Variants in GPHN observed in about 807,000 individuals in gnomAD.
The protein encoded by GPHN is gephyrin.
Under a neutral mutation model 95.5 loss-of-function variants are expected in GPHN, and 17 were observed. The ratio of observed to expected loss-of-function variants is 0.18; its 90% confidence interval spans 0.12 to 0.27. The LOEUF (loss-of-function observed/expected upper bound fraction) is 0.27, where lower values mean the gene tolerates loss of function less well. Among genes scored for constraint, GPHN ranks in the 10% least tolerant of loss-of-function variants. The pLI is 1.00. For synonymous variants in GPHN, 320 were observed against 322.5 expected, an observed-to-expected ratio of 0.99 and a Z score of 0.08; for missense variants, 660 against 978.1, an observed-to-expected ratio of 0.67 and a Z score of 4.34.
chr14:67,632,808 A>ATT, the GPHN span, among the ~76,000 whole-genome samples: 3,698 of 62,442 alleles, frequency 0.059, 645 homozygotes, highest in African/African-American at 0.094. Flanking sequence ...AAGCCTCTTA[A>ATT]TTTTTTTTTT....
intron 5 of GPHN, among the ~76,000 whole-genome samples, chr14:66,889,176 A>C (rs1296143887): frequency 6.6e-6 from 1 of 152,114 alleles, no homozygotes; most frequent in Non-Finnish European, 1.5e-5. Context: ...CACATTCAAT[A>C]ATGGATAGAA....
intron 17 of GPHN, among the ~76,000 whole-genome samples, chr14:67,139,236 G>A (rs908090942): frequency 6.6e-6 from 1 of 151,566 alleles, no homozygotes; most frequent in African/African-American, 2.4e-5. Context: ...AAAAAAAAGA[G>A]AGAGAGAGAC....
At chr14:66,720,441 C>T (rs2070631675) in intron 2 of GPHN, among the ~76,000 whole-genome samples, 1 of 152,098 alleles carries the variant, frequency 6.6e-6, no homozygotes, top group Non-Finnish European at 1.5e-5. Flanking sequence ...AAAATTTCAG[C>T]TACTTGGGAG....
chr14:67,108,905 AAT>A (rs1567343171), intron 13 of GPHN, among the ~76,000 whole-genome samples: 1 of 152,124 alleles, frequency 6.6e-6, no homozygotes, highest in Non-Finnish European at 1.5e-5. Context: ...TAAGATTTTA[AAT>A]AGAGTCATGA....
the GPHN span, among the ~76,000 whole-genome samples, chr14:67,291,148 G>A: frequency 3.3e-5 from 5 of 151,700 alleles, no homozygotes; most frequent in African/African-American, 1.2e-4. Context: ...ATTGGAAAAC[G>A]ATTCCCAACA....
Position 67,100,867 on chromosome 14 carries a change from C to T in GPHN, c.1249C>T (p.Pro417Ser). 2 of 1,606,240 alleles carry T rather than the reference C, an allele frequency of 1.2e-6. No homozygotes were observed. The highest frequency in any genetic ancestry group is 1.7e-6 in the Non-Finnish European group (2 of 1,172,896). The change falls in exon 13 of 23, where the codon CCA becomes TCA. Residue 417 changes from proline (P) to serine (S), a missense_variant. Pro to Ser is a moderately conservative substitution (Grantham distance 74, BLOSUM62 -1). This residue lies in a region of GPHN where 257 missense variants were observed against 376.2 expected (regional missense o/e 0.68). Coordinates refer to ENST00000478722, the MANE Select transcript of GPHN (RefSeq NM_020806.5). ...DGYAVRAADGPGDRFIIGESQ... is the reference protein window; with the variant it reads ...DGYAVRAADGSGDRFIIGESQ... Reference sequence around the variant, plus strand: ...GTTCCATCTCACAGCTGCTGATGGCCCAGGAGATCGTTTCATCATTGGGGA... The same window carrying T: ...GTTCCATCTCACAGCTGCTGATGGCTCAGGAGATCGTTTCATCATTGGGGA...
At chr14:67,018,363 AT>A (rs927620869) in intron 9 of GPHN, among the ~76,000 whole-genome samples, 300 of 151,210 alleles carry the variant, frequency 2.0e-3, no homozygotes, top group African/African-American at 6.7e-3. Context: ...GAACTTGGGA[AT>A]TTTTTTTTAA....
chr14:67,360,363 G>A, the GPHN span: 4 of 397,136 alleles, frequency 1.0e-5, no homozygotes, highest in East Asian at 1.1e-4. Flanking sequence ...ACGCTGAGGA[G>A]GATCGGCGGC....
the GPHN span, among the ~76,000 whole-genome samples, chr14:67,245,558 C>T: frequency 3.6e-4 from 54 of 151,820 alleles, no homozygotes; most frequent in African/African-American, 1.2e-3. Context: ...ACTATGTTTC[C>T]CAGGCTGGTC....
the GPHN span, among the ~76,000 whole-genome samples, chr14:67,519,716 T>C: frequency 3.2e-5 from 2 of 62,946 alleles, no homozygotes; most frequent in South Asian, 9.9e-4. Flanking sequence ...GTAAGTTTGT[T>C]TTTTTTTTTT....
intron 21 of GPHN, among the ~76,000 whole-genome samples, chr14:67,175,239 T>G (rs2140139764): frequency 6.6e-6 from 1 of 152,350 alleles, no homozygotes; most frequent in Middle Eastern, 3.4e-3. Flanking sequence ...TAATCCATCT[T>G]GAATTAATTT....
chr14:66,887,832 A>G (rs2064277910), intron 5 of GPHN, among the ~76,000 whole-genome samples: 1 of 152,242 alleles, frequency 6.6e-6, no homozygotes, highest in African/African-American at 2.4e-5. Context: ...TGTGATTAAC[A>G]TGCTAAGTGC....
At chr14:67,524,026 AG>A in the GPHN span, among the ~76,000 whole-genome samples, 1 of 152,120 alleles carries the variant, frequency 6.6e-6, no homozygotes, top group South Asian at 2.1e-4. Context: ...CTGTGTTCTG[AG>A]TGGATAGGCT....
chr14:67,569,245 C>G, the GPHN span: 3 of 1,529,028 alleles, frequency 2.0e-6, 1 homozygote, highest in Admixed American at 3.3e-5. Context: ...TTGGAGGCAC[C>G]AAACACCCAA....
chr14:67,567,997 G>C, the GPHN span, among the ~76,000 whole-genome samples: 1 of 152,202 alleles, frequency 6.6e-6, no homozygotes, highest in Non-Finnish European at 1.5e-5. Context: ...AGACCCAGGG[G>C]CCCCCTCAGG....
At chr14:67,360,347 A>G in the GPHN span, 1 of 397,494 alleles carries the variant, frequency 2.5e-6, no homozygotes, top group Non-Finnish European at 4.4e-6. Context: ...GGAGTGAGCG[A>G]AGCGCACGCT....
At position 67,129,074 on chromosome 14, in the gene GPHN, A is replaced by T. The variant is rs568164494; in HGVS notation, c.1748+6697A>T. Among the ~76,000 whole-genome samples the T allele has an allele frequency of 6.6e-5, 10 of 151,928 alleles. No individual in the cohort carries two copies. In the East Asian group the frequency reaches 1.9e-3, roughly 30 times the overall value. On this transcript the variant is annotated intron_variant, in intron 17 of 22. Coordinates refer to ENST00000478722, the MANE Select transcript of GPHN (RefSeq NM_020806.5). ...GGTGTTCCACCTGCCTTGGCCTCCC[A>T]AAGTGCTGGGATAAAAGGTGTGAGC... is the stretch of plus-strand genomic sequence containing the variant.
the GPHN span, among the ~76,000 whole-genome samples, chr14:67,417,131 C>T: frequency 1.3e-5 from 2 of 152,336 alleles, no homozygotes; most frequent in South Asian, 4.1e-4. Context: ...TTGAACAGCA[C>T]TGCTCTTGAG....
At chr14:66,621,679 C>T (rs900410841) in intron 1 of GPHN, among the ~76,000 whole-genome samples, 33 of 152,328 alleles carry the variant, frequency 2.2e-4, no homozygotes, top group African/African-American at 7.5e-4. Flanking sequence ...GCCTCGGCCT[C>T]CCAAAATGCT....
Sources: allele counts gnomAD v4.1 joint callset (sites outside exome capture counted in the v4.1 genomes callset), GRCh38; gene constraint gnomAD v4.1.1; regional missense constraint gnomAD v4.1.1; transcripts MANE v1.5; gene names NCBI Gene and HGNC (gene_info 2026-07-23, HGNC 2026-07-21).